The following KCNU1 variants were observed in gnomAD, a reference collection of about 807,000 sequenced individuals.
KCNU1 encodes the protein potassium channel subfamily U member 1.
KCNU1 carries 93 observed loss-of-function variants against 126.8 expected under a neutral mutation model. The observed-to-expected ratio is 0.73, with a 90% CI of 0.62 to 0.87. The LOEUF is 0.87. KCNU1 is among the 40% of genes least tolerant of loss of function. The pLI is 0.00. For synonymous variants in KCNU1, 523 were observed against 494.2 expected (o/e 1.06, Z -0.77); for missense variants, 1,330 against 1,367.1 (o/e 0.97, Z 0.43).
At chr8:36,910,718 A>T (rs553834758) in intron 21 of KCNU1, among the ~76,000 whole-genome samples, 1 of 152,256 alleles carries the variant, frequency 6.6e-6, no homozygotes, top group East Asian at 1.9e-4. Flanking sequence ...TGCTTTCAGG[A>T]AAGAATCTAT....
intron 7 of KCNU1, among the ~76,000 whole-genome samples, chr8:36,811,012 G>A (rs528607617): frequency 2.0e-5 from 3 of 152,170 alleles, no homozygotes; most frequent in South Asian, 4.1e-4. Context: ...AAGAAGAAGT[G>A]TATTACAGAC....
At chr8:36,830,309 T>C (rs1804487100) in intron 10 of KCNU1, among the ~76,000 whole-genome samples, 4 of 151,834 alleles carry the variant, frequency 2.6e-5, no homozygotes, top group Non-Finnish European at 5.9e-5. Context: ...AAAGCACCTT[T>C]AATATTTTTT....
At position 36,905,190 on chromosome 8, in the gene KCNU1, A is replaced by G. The variant is rs144424439; in HGVS notation, c.2010-518A>G. ...AGCAAAGTCTAGGCAAATGCAGACC[A>G]GTGATGAAAGCTTTAAAGAATGCAA... On this transcript the variant is annotated intron_variant, in intron 19 of 26. Coordinates refer to ENST00000399881, the MANE Select transcript of KCNU1 (RefSeq NM_001031836.3). Among the ~76,000 whole-genome samples, 1,418 of 152,244 alleles carry G rather than the reference A, an allele frequency of 9.3e-3. 17 individuals are homozygous for G. The highest frequency in any genetic ancestry group is 0.014 in the Non-Finnish European group (961 of 68,020).
chr8:36,785,035 A>T (rs1171947747), intron 1 of KCNU1, among the ~76,000 whole-genome samples: 15 of 152,226 alleles, frequency 9.9e-5, no homozygotes, highest in Non-Finnish European at 1.5e-5. Context: ...ATATGTACTG[A>T]CGTGTACATT....
At position 36,784,589 on chromosome 8, in the gene KCNU1, G is replaced by C. The variant is rs1802647227; in HGVS notation, c.179G>C (p.Gly60Ala). The C allele has an allele frequency of 1.2e-6, 2 of 1,612,406 alleles. No homozygotes were observed. Among genetic ancestry groups the C allele is most frequent in the African/African-American group, 2.7e-5 (2 of 75,016 alleles). The change falls in exon 1 of 27, where the codon GGA becomes GCA. Residue 60 changes from glycine to alanine, a missense_variant. Around this residue, in one of 3 missense-constraint regions of KCNU1, gnomAD observed 247 missense variants for 255.4 expected, o/e 0.97. Transcript: ENST00000399881. ...RSVKKWQIIK[G>A]TGIILELFTS... ...GTTAAAAAATGGCAAATCATCAAGG[G>C]AACAGGAATTATCTTGGTCAGTTTC...
chr8:36,833,258 A>G (rs1804620826), intron 10 of KCNU1, among the ~76,000 whole-genome samples: 1 of 152,064 alleles, frequency 6.6e-6, no homozygotes, highest in Admixed American at 6.6e-5. Context: ...AGACTCATCA[A>G]TTTCTCCTTC....
chr8:36,918,740 A>C (rs953805298), intron 22 of KCNU1, 83 bp from the exon 23 acceptor site: 1 of 862,264 alleles, frequency 1.2e-6, no homozygotes, highest in African/African-American at 1.7e-5. Flanking sequence ...ATAAAGCACC[A>C]AGTTACATTA....
intron 19 of KCNU1, among the ~76,000 whole-genome samples, chr8:36,893,888 T>C (rs1419994527): frequency 6.6e-6 from 1 of 152,136 alleles, no homozygotes; most frequent in African/African-American, 2.4e-5. Flanking sequence ...CTTTTTATAG[T>C]TATTTTTCAT....
chr8:36,929,225 T>G (rs996208577), intron 24 of KCNU1, among the ~76,000 whole-genome samples: 1 of 151,454 alleles, frequency 6.6e-6, no homozygotes, highest in African/African-American at 2.4e-5. Flanking sequence ...CTACTAAAAA[T>G]ACTAAAAAAT....
intron 21 of KCNU1, among the ~76,000 whole-genome samples, chr8:36,909,996 C>G (rs776060664): frequency 6.6e-6 from 1 of 152,088 alleles, no homozygotes. Context: ...GCCACATGGT[C>G]CCTGATAGCT....
chr8:36,823,887 T>C (rs1217980558), intron 10 of KCNU1, among the ~76,000 whole-genome samples: 1 of 150,626 alleles, frequency 6.6e-6, no homozygotes, highest in African/African-American at 2.4e-5. Context: ...GCCCAGGCTG[T>C]AGTGCAATGG....
intron 1 of KCNU1, among the ~76,000 whole-genome samples, chr8:36,784,837 G>T (rs1802655334): frequency 6.6e-6 from 1 of 152,154 alleles, no homozygotes; most frequent in South Asian, 2.1e-4. Context: ...GCAATGTCTT[G>T]TATGGATAAT....
intron 18 of KCNU1, among the ~76,000 whole-genome samples, chr8:36,861,605 T>C (rs1805732770): frequency 6.6e-6 from 1 of 152,206 alleles, no homozygotes; most frequent in Non-Finnish European, 1.5e-5. Context: ...ATCTAGAATA[T>C]GTAATATCAC....
chr8:36,872,106 A>T (rs1218364794), intron 19 of KCNU1, among the ~76,000 whole-genome samples: 1 of 152,288 alleles, frequency 6.6e-6, no homozygotes, highest in Non-Finnish European at 1.5e-5. Flanking sequence ...CCTTATCATC[A>T]TCTTTCTCAG....
intron 10 of KCNU1, 47 bp from the exon 11 acceptor site, chr8:36,833,507 T>C (rs778145521): frequency 1.8e-6 from 2 of 1,090,120 alleles, no homozygotes; most frequent in Non-Finnish European, 2.8e-6. Context: ...AAACCCAGAG[T>C]CAATCATCTT....
chr8:36,811,407 T>G (rs1215704571), intron 7 of KCNU1, among the ~76,000 whole-genome samples: 1 of 152,032 alleles, frequency 6.6e-6, no homozygotes, highest in East Asian at 1.9e-4. Flanking sequence ...GGGGAACCAA[T>G]GAGACTAGCT....
intron 19 of KCNU1, among the ~76,000 whole-genome samples, chr8:36,882,339 A>C (rs980938024): frequency 2.0e-5 from 3 of 152,138 alleles, no homozygotes; most frequent in African/African-American, 7.2e-5. Flanking sequence ...GTAGCACAGA[A>C]AGTTTTCTGT....
At chr8:36,812,316 G>GT (rs1214631300) in intron 7 of KCNU1, among the ~76,000 whole-genome samples, 6 of 150,244 alleles carry the variant, frequency 4.0e-5, no homozygotes, top group African/African-American at 1.5e-4. Context: ...GGAGGTGGAG[G>GT]TTGCAGTGGG....
At chr8:36,877,230 C>A (rs1021055683) in intron 19 of KCNU1, among the ~76,000 whole-genome samples, 1 of 151,838 alleles carries the variant, frequency 6.6e-6, no homozygotes, top group African/African-American at 2.4e-5. Flanking sequence ...AAGGGTTTCT[C>A]TCCTCAATTC....
Sources: allele counts gnomAD v4.1 joint callset (sites outside exome capture counted in the v4.1 genomes callset), GRCh38; gene constraint gnomAD v4.1.1; regional missense constraint gnomAD v4.1.1; transcripts MANE v1.5; gene names NCBI Gene and HGNC (gene_info 2026-07-23, HGNC 2026-07-21).